The following ZSWIM9 variants were observed in gnomAD, a reference collection of about 807,000 sequenced individuals.
The protein encoded by ZSWIM9 is uncharacterized protein ZSWIM9.
Under a neutral mutation model 25.0 loss-of-function variants are expected in ZSWIM9, and 11 were observed. That is an observed-to-expected ratio of 0.44 (90% confidence interval 0.28 to 0.73). ZSWIM9 has a LOEUF of 0.73. Among genes scored for constraint, ZSWIM9 ranks in the 30% least tolerant of loss-of-function variants. The pLI is 0.16. For synonymous variants in ZSWIM9, 562 were observed against 582.1 expected, an observed-to-expected ratio of 0.97 and a Z score of 0.50; for missense variants, 1,070 against 1,296.5, an observed-to-expected ratio of 0.83 and a Z score of 2.68.
intron 3 of ZSWIM9, among the ~76,000 whole-genome samples, chr19:48,187,483 ATAT>A (rs2037033326): frequency 1.8e-5 from 1 of 56,396 alleles, no homozygotes; most frequent in Admixed American, 3.2e-4. Flanking sequence ...TATATATTAT[ATAT>A]TATATTATAA....
chr19:48,172,642 G>C (rs995432305), intron 2 of ZSWIM9, among the ~76,000 whole-genome samples: 1 of 152,088 alleles, frequency 6.6e-6, no homozygotes, highest in Admixed American at 6.6e-5. Flanking sequence ...TCAACCTCCT[G>C]AGTAGCTGGG....
Position 48,196,412 on chromosome 19 carries a change from C to A in ZSWIM9, c.2348C>A (p.Ala783Glu), listed in dbSNP as rs2037166146. 1 of 1,232,288 alleles carries A rather than the reference C, an allele frequency of 8.1e-7. No individual in the cohort carries two copies. Among genetic ancestry groups the A allele is most frequent in the East Asian group, 3.2e-5 (1 of 31,708 alleles). The allele number at this position is 1,232,288 out of a possible 1,614,324, so 76.3% of individuals were successfully genotyped here. A position where few individuals can be genotyped will look rare whatever the true frequency, so the allele number is the denominator to read the frequency against. ...TVLEGSPEWA[A>E]ARSEHLAAGD... ...TTGGAAGGCAGCCCAGAATGGGCAG[C>A]GGCGAGGAGTGAACACCTGGCTGCA... The change falls in exon 4 of 4, where the codon GCG becomes GAG. Residue 783 changes from alanine to glutamate, a missense_variant. Physicochemically the swap from Ala to Glu is moderately radical, Grantham distance 107 (BLOSUM62 -1). Transcript: ENST00000614654.
In ZSWIM9 at chr19:48,197,505, C is replaced by T. The variant is rs770228627; in HGVS notation, c.*678C>T. The T allele has an allele frequency of 2.4e-5, 13 of 539,216 alleles. No individual in the cohort carries two copies. Among genetic ancestry groups the T allele is most frequent in the East Asian group, 1.2e-4 (4 of 32,416 alleles). 33.4% of individuals were successfully genotyped at this position (539,216 alleles called of 1,614,324 possible). A position where few individuals can be genotyped will look rare whatever the true frequency, so the allele number is the denominator to read the frequency against. On this transcript the variant is annotated 3_prime_UTR_variant, in exon 4 of 4. Transcript: ENST00000614654. ...AAGACCTGGAGACATCGACCCCCAT[C>T]GCCTTCTGAAGAGAGAGGGAGGGCG...
intron 2 of ZSWIM9, among the ~76,000 whole-genome samples, chr19:48,178,385 A>G (rs1260294581): frequency 1.3e-5 from 2 of 152,232 alleles, no homozygotes; most frequent in South Asian, 2.1e-4. Flanking sequence ...CTCTGGGTGG[A>G]TCCTGGGGAG....
Position 48,196,273 on chromosome 19 carries a change from C to T in ZSWIM9, c.2209C>T (p.Arg737Trp), listed in dbSNP as rs1028435975. The T allele has an allele frequency of 2.8e-5, 35 of 1,233,254 alleles. No homozygotes were observed. The East Asian group carries it at 9.8e-4, about 34-fold the overall frequency. The allele number at this position is 1,233,254 out of a possible 1,614,324, so 76.4% of individuals were successfully genotyped here. Reference sequence around the variant, plus strand: ...GGAGAATGGAGATGGAGGGGGAGCCCGGTCCGTGGGCCCCAAGAGCCGAGC... The same window carrying T: ...GGAGAATGGAGATGGAGGGGGAGCCTGGTCCGTGGGCCCCAAGAGCCGAGC... Reference protein sequence around the residue: ...GMENGDGGGARSVGPKSRAGR... With the variant: ...GMENGDGGGAWSVGPKSRAGR... The change falls in exon 4 of 4, where the codon CGG becomes TGG. Residue 737 changes from arginine to tryptophan, a missense_variant. By Grantham distance (101) the Arg-to-Trp change is moderately radical. Transcript: ENST00000614654.
Position 48,195,012 on chromosome 19 carries a change from C to G in ZSWIM9, c.948C>G (p.Ile316Met). The G allele has an allele frequency of 8.8e-6, 12 of 1,361,842 alleles. No homozygotes were observed. Among genetic ancestry groups the G allele is most frequent in the African/African-American group, 1.6e-5 (1 of 63,344 alleles). The allele number at this position is 1,361,842 out of a possible 1,614,324, so 84.4% of individuals were successfully genotyped here. A position where few individuals can be genotyped will look rare whatever the true frequency, so the allele number is the denominator to read the frequency against. The stretch of plus-strand genomic sequence containing the variant: ...TGCTGCCCTGCGCGCGCGTGCAGAT[C>G]TGCCGCGCGCAGGGCCTGGAGACGC... ...RQLLPCARVQ[I>M]CRAQGLETLF... The change falls in exon 4 of 4, where the codon ATC (isoleucine) becomes ATG (methionine). Residue 316 changes from isoleucine to methionine, a missense_variant. Coordinates refer to ENST00000614654, the MANE Select transcript of ZSWIM9 (RefSeq NM_199341.4). The surrounding 1 kb of genome is among the most constrained non-coding windows in gnomAD (Gnocchi z 5.8).
At chr19:48,186,644 CA>C (rs1384209248) in intron 3 of ZSWIM9, 4 of 154,838 alleles carry the variant, frequency 2.6e-5, no homozygotes, top group Non-Finnish European at 5.9e-5. Flanking sequence ...TGGGGAGTGC[CA>C]GATGTCACCA....
rs1264596213 is a variant in ZSWIM9, at chr19:48,182,905, G to C, written c.588+138G>C. The C allele has an allele frequency of 2.8e-6, 2 of 705,756 alleles. No homozygotes were observed. Among genetic ancestry groups the C allele is most frequent in the Non-Finnish European group, 4.6e-6 (2 of 433,212 alleles). 43.7% of individuals were successfully genotyped at this position (705,756 alleles called of 1,614,324 possible). ...ATTCATCCGTTCATTCATTCAATAA[G>C]TACTTACCGAGGCATTGGGGATGCA... is the stretch of plus-strand genomic sequence containing the variant. On this transcript the variant is annotated intron_variant, in intron 3 of 3. Coordinates refer to ENST00000614654, the MANE Select transcript of ZSWIM9 (RefSeq NM_199341.4). The surrounding 1 kb of genome is among the most constrained non-coding windows in gnomAD (Gnocchi z 4.6).
At chr19:48,171,264 C>G in intron 1 of ZSWIM9, 1 of 985,290 alleles carries the variant, frequency 1.0e-6, no homozygotes. Flanking sequence ...AGCATGTGAC[C>G]GGGTGAGGGG....
At chr19:48,188,671 G>A (rs1054424670) in intron 3 of ZSWIM9, among the ~76,000 whole-genome samples, 28 of 152,234 alleles carry the variant, frequency 1.8e-4, no homozygotes, top group South Asian at 2.1e-4. Flanking sequence ...ACGTTGCAGC[G>A]TTCTCTTACG....
At chr19:48,185,682 A>G (rs1011514027) in intron 3 of ZSWIM9, among the ~76,000 whole-genome samples, 4 of 152,124 alleles carry the variant, frequency 2.6e-5, no homozygotes, top group African/African-American at 9.7e-5. Context: ...ACTTTCTACA[A>G]TGATAGAAAT....
At chr19:48,189,585 A>G (rs1353246935) in intron 3 of ZSWIM9, 1 of 154,356 alleles carries the variant, frequency 6.5e-6, no homozygotes, top group Non-Finnish European at 1.5e-5. Flanking sequence ...CAAAAAAAAA[A>G]GAATAAGAAC....
chr19:48,171,276 C>A (rs1174446853), intron 1 of ZSWIM9: 4 of 985,192 alleles, frequency 4.1e-6, no homozygotes, highest in East Asian at 1.1e-4. Flanking sequence ...GGTGAGGGGT[C>A]CGTGGCCTGG....
Position 48,196,637 on chromosome 19 carries a change from C to G in ZSWIM9, c.2573C>G (p.Ala858Gly), listed in dbSNP as rs1372294576. The change falls in exon 4 of 4, where the codon GCT becomes GGT. Residue 858 changes from alanine (A) to glycine (G), a missense_variant. Coordinates refer to ENST00000614654, the MANE Select transcript of ZSWIM9 (RefSeq NM_199341.4). ...HGTRGFHWTG[A>G]GFALKDGTSD... ...ACCCGGGGTTTCCACTGGACCGGAG[C>G]TGGCTTTGCCCTTAAGGACGGCACC... is the stretch of plus-strand genomic sequence containing the variant. 2.4e-6 allele frequency: 3 copies of G among 1,232,658 alleles called. No individual in the cohort carries two copies. Among genetic ancestry groups the G allele is most frequent in the Non-Finnish European group, 3.0e-6 (3 of 988,356 alleles). 76.4% of individuals were successfully genotyped at this position (1,232,658 alleles called of 1,614,324 possible).
chr19:48,191,910 T>G (rs2037098420), intron 3 of ZSWIM9: 1 of 154,798 alleles, frequency 6.5e-6, no homozygotes, highest in South Asian at 2.0e-4. Context: ...AAATCCCAGC[T>G]CACCTGGTAT....
rs61734672 is a variant in ZSWIM9 at position 48,195,917 on chromosome 19, G to A, written c.1853G>A (p.Arg618Lys). The A allele has an allele frequency of 2.0e-5, 27 of 1,366,106 alleles. No individual in the cohort carries two copies. The South Asian group carries it at 4.3e-4, about 22-fold the overall frequency. 84.6% of individuals were successfully genotyped at this position (1,366,106 alleles called of 1,614,324 possible). A position where few individuals can be genotyped will look rare whatever the true frequency, so the allele number is the denominator to read the frequency against. Residue 618 changes from arginine (R) to lysine (K), a missense_variant, in exon 4 of 4, where the codon AGG becomes AAG. Physicochemically the swap from Arg to Lys is conservative, Grantham distance 26. Around this residue, in one of 4 missense-constraint regions of ZSWIM9, gnomAD observed 583 missense variants for 624.7 expected, o/e 0.93. Transcript: ENST00000614654. The surrounding 1 kb of genome is among the most constrained non-coding windows in gnomAD (Gnocchi z 5.8). ...DLRGTQFDYERVRSLEGSPWR... is the reference protein window; with the variant it reads ...DLRGTQFDYEKVRSLEGSPWR... The stretch of plus-strand genomic sequence containing the variant: ...AGGGGGACCCAGTTTGACTATGAGA[G>A]GGTCAGGAGTCTTGAAGGAAGCCCC...
chr19:48,182,632 C>G lies in ZSWIM9; in HGVS notation c.453C>G (p.Thr151=). The change falls in exon 3 of 4, where the codon ACC becomes ACG. Residue 151 remains threonine (T), a synonymous_variant. Coordinates refer to ENST00000614654, the MANE Select transcript of ZSWIM9 (RefSeq NM_199341.4). This position sits in a 1 kb window ranked among gnomAD's most constrained non-coding sequence, Gnocchi z 4.6. ...LANACLPVRT[T]NKISKQFVAP... ...ACGCCTGCCTGCCGGTGCGCACCAC[C>G]AACAAGATCTCCAAGCAGTTCGTGG... The G allele has an allele frequency of 6.5e-7, 1 of 1,535,786 alleles. No homozygotes were observed. Among genetic ancestry groups the G allele is most frequent in the Non-Finnish European group, 8.7e-7 (1 of 1,146,642 alleles).
chr19:48,174,419 T>A (rs915560870), intron 2 of ZSWIM9, among the ~76,000 whole-genome samples: 2 of 152,078 alleles, frequency 1.3e-5, no homozygotes, highest in African/African-American at 4.8e-5. Context: ...GCTGGTTAAG[T>A]GATAGCTGTT....
intron 2 of ZSWIM9, among the ~76,000 whole-genome samples, chr19:48,179,841 T>C (rs1479328764): frequency 6.6e-6 from 1 of 152,172 alleles, no homozygotes; most frequent in Non-Finnish European, 1.5e-5. Flanking sequence ...CTTAAAACAA[T>C]ACCAATTTAT....
Sources: allele counts gnomAD v4.1 joint callset (sites outside exome capture counted in the v4.1 genomes callset), GRCh38; gene constraint gnomAD v4.1.1; regional missense constraint gnomAD v4.1.1; non-coding constraint Gnocchi (gnomAD v3.1); transcripts MANE v1.5; gene names NCBI Gene and HGNC (gene_info 2026-07-23, HGNC 2026-07-21).